Variants in ST6GALNAC4 observed in about 807,000 individuals in gnomAD.
ST6GALNAC4 encodes ST6 N-acetylgalactosaminide alpha-2,6-sialyltransferase 4, also known as alpha-N-acetyl-neuraminyl-2,3-beta-galactosyl-1,3-N-acetyl-galactosaminide alpha-2,6-sialyltransferase.
A neutral mutation model predicts 30.4 loss-of-function variants in ST6GALNAC4; 24 were observed. The ratio of observed to expected loss-of-function variants is 0.79; its 90% CI spans 0.57 to 1.11. The LOEUF (loss-of-function observed/expected upper bound fraction) is 1.11, where lower values mean the gene tolerates loss of function less well. ST6GALNAC4 is among the 50% of genes most tolerant of loss of function. The pLI is 0.00. For missense variants in ST6GALNAC4, 365 were observed against 430.1 expected, an observed-to-expected ratio of 0.85 and a Z score of 1.34; for synonymous variants, 156 against 179.7, an observed-to-expected ratio of 0.87 and a Z score of 1.05.
chr9:127,909,289 T>C (rs1010704867), intron 5 of ST6GALNAC4, among the ~76,000 whole-genome samples: 18 of 151,256 alleles, frequency 1.2e-4, no homozygotes, highest in Admixed American at 1.1e-3. Context: ...CTAGGGAGGC[T>C]GAGGCAGGAG....
intron 3 of ST6GALNAC4, among the ~76,000 whole-genome samples, chr9:127,913,637 A>C (rs2131623309): frequency 6.6e-6 from 1 of 151,124 alleles, no homozygotes; most frequent in South Asian, 2.1e-4. Flanking sequence ...AGAAAAAGAA[A>C]ACAACATCTG....
intron 4 of ST6GALNAC4, chr9:127,910,335 A>G (rs1831049134): frequency 8.2e-7 from 1 of 1,212,872 alleles, no homozygotes; most frequent in Non-Finnish European, 1.0e-6. Flanking sequence ...CCCCTGGATG[A>G]TGGGTGTGGG....
rs1160746722 is a variant in ST6GALNAC4, at chr9:127,915,540, C to A, written c.13-699G>T. ...TTGAAAAGCTGGTGCCTGGAGGCTA[C>A]CGCCTCCAGAAACCATGTGCCAAAG... On this transcript the variant is annotated intron_variant, in intron 2 of 5. Transcript: ENST00000335791. Among the ~76,000 whole-genome samples the A allele has an allele frequency of 2.0e-5, 3 of 152,270 alleles. No individual in the cohort carries two copies. In the East Asian group the frequency reaches 5.8e-4, roughly 29 times the overall value.
intron 2 of ST6GALNAC4, chr9:127,916,171 T>A (rs1374689743): frequency 3.4e-6 from 2 of 595,594 alleles, no homozygotes; most frequent in African/African-American, 3.7e-5. Context: ...GGTGAGCTCG[T>A]AGCGTTACCT....
chr9:127,914,358 A>G (rs1299658850), intron 3 of ST6GALNAC4, among the ~76,000 whole-genome samples: 1 of 141,784 alleles, frequency 7.1e-6, no homozygotes, highest in Non-Finnish European at 1.5e-5. Flanking sequence ...ATGCCATTGC[A>G]CTCCAGCCTG....
At position 127,909,346 on chromosome 9, in the gene ST6GALNAC4, G is replaced by A. The variant is rs185378323; in HGVS notation, c.719+605C>T. ...GGAGGTTGCAGTGAGCCAAGATCGC[G>A]CCACTGCACTCCAGCCTGGGCAACA... is the stretch of plus-strand genomic sequence containing the variant. On this transcript the variant is annotated intron_variant, in intron 5 of 5. Transcript: ENST00000335791. 2.5e-3 allele frequency among the ~76,000 whole-genome samples: 374 copies of A among 149,504 alleles called. 1 individual carries two copies. The highest frequency in any genetic ancestry group is 4.4e-3 in the African/African-American group (179 of 40,734).
Position 127,914,732 on chromosome 9 carries a change from T to C in ST6GALNAC4, c.122A>G (p.His41Arg), listed in dbSNP as rs1564504294. The C allele has an allele frequency of 6.2e-7, 1 of 1,609,764 alleles. No individual in the cohort carries two copies. Among genetic ancestry groups the C allele is most frequent in the Non-Finnish European group, 8.5e-7 (1 of 1,177,978 alleles). Residue 41 changes from histidine (H) to arginine (R), a missense_variant, in exon 3 of 6, where the codon CAC becomes CGC. Coordinates refer to ENST00000335791, the MANE Select transcript of ST6GALNAC4 (RefSeq NM_175039.4). ...AGTGGGCCTGGAGCCTGTGGGGAAG[T>C]GGTGGTCCAGGCAGGTGGCCAGGCA... The part of the protein sequence containing the change: ...PLCLATCLDH[H>R]FPTGSRPTVP...
chr9:127,909,333 G>C (rs943205135), intron 5 of ST6GALNAC4, among the ~76,000 whole-genome samples: 1 of 150,548 alleles, frequency 6.6e-6, no homozygotes, highest in Non-Finnish European at 1.5e-5. Context: ...AGGTTGCAGT[G>C]AGCCAAGATC....
At position 127,908,576 on chromosome 9, in the gene ST6GALNAC4, T is replaced by C; in HGVS notation, c.725A>G (p.Lys242Arg). The change falls in exon 6 of 6, where the codon AAG (lysine) becomes AGG (arginine). Residue 242 changes from lysine to arginine, a missense_variant. Lys to Arg is a conservative substitution (Grantham distance 26). Transcript: ENST00000335791. ...GMVSDSYCRE[K>R]SHPSVPYHYF... ...GTGGTAAGGCACTGAGGGGTGGCTC[T>C]TCTCCCTGCGGGGTGGGGAACAGGG... 2 of 1,572,678 alleles carry C rather than the reference T, an allele frequency of 1.3e-6. No homozygotes were observed. The highest frequency in any genetic ancestry group is 2.3e-5 in the East Asian group (1 of 43,522).
At chr9:127,909,800 G>T in intron 5 of ST6GALNAC4, 151 bp downstream of exon 5, 2 of 725,528 alleles carry the variant, frequency 2.8e-6, no homozygotes, top group Non-Finnish European at 4.4e-6. Context: ...CTTTCCCAAG[G>T]CCCAGAGCGC....
At position 127,912,561 on chromosome 9, in the gene ST6GALNAC4, C is replaced by A. The variant is rs372883012; in HGVS notation, c.318G>T (p.Ala106=). The change falls in exon 4 of 6, where the codon GCG becomes GCT. Residue 106 remains alanine, a synonymous_variant. Coordinates refer to ENST00000335791, the MANE Select transcript of ST6GALNAC4 (RefSeq NM_175039.4). ...CATCCGCCTCAAAGCCCACGGTGGGCGCCTGGTTCATGCGGAACACGCACT... is the reference window on the plus strand; with the variant it reads ...CATCCGCCTCAAAGCCCACGGTGGGAGCCTGGTTCATGCGGAACACGCACT... ...SAECVFRMNQ[A]PTVGFEADVG... is the part of the protein sequence containing the mutation. 1.9e-6 allele frequency: 3 copies of A among 1,612,890 alleles called. No homozygotes were observed. The highest frequency in any genetic ancestry group is 3.3e-5 in the Admixed American group (2 of 59,996).
chr9:127,908,704 T>C (rs970560547), intron 5 of ST6GALNAC4, 123 bp from the exon 6 acceptor site: 2 of 856,582 alleles, frequency 2.3e-6, no homozygotes, highest in Non-Finnish European at 3.3e-6. Flanking sequence ...GCCTGATCCC[T>C]GGGGAGGCCA....
intron 4 of ST6GALNAC4, 83 bp from the exon 5 acceptor site, chr9:127,910,141 G>C: frequency 6.5e-7 from 1 of 1,543,114 alleles, no homozygotes; most frequent in African/African-American, 1.4e-5. Flanking sequence ...TTGGTACTTT[G>C]CCAGCCCGGG....
chr9:127,915,044 T>G (rs1401552609), intron 2 of ST6GALNAC4, among the ~76,000 whole-genome samples: 1 of 152,118 alleles, frequency 6.6e-6, no homozygotes, highest in Non-Finnish European at 1.5e-5. Flanking sequence ...GAGATAACAC[T>G]GTTATCATCC....
At chr9:127,909,913 T>TCC in intron 5 of ST6GALNAC4, 38 bp downstream of exon 5, 1 of 1,596,880 alleles carries the variant, frequency 6.3e-7, no homozygotes, top group Non-Finnish European at 8.6e-7. Flanking sequence ...CTCACAGTCC[T>TCC]CCCCGCGTCC....
chr9:127,914,121 G>A (rs376771284), intron 3 of ST6GALNAC4, among the ~76,000 whole-genome samples: 92 of 151,434 alleles, frequency 6.1e-4, no homozygotes, highest in African/African-American at 2.0e-3. Context: ...TTGGGCGGGC[G>A]TGGTGGCTCA....
At position 127,912,256 on chromosome 9, in the gene ST6GALNAC4, C is replaced by T; in HGVS notation, c.611+12G>A. On this transcript the variant is annotated intron_variant, in intron 4 of 5. Coordinates refer to ENST00000335791, the MANE Select transcript of ST6GALNAC4 (RefSeq NM_175039.4). ...TGCCAGAGAGACCCCAGCAGGCAGG[C>T]CCCAGGCTCACCGGTTCTTGCCCGT... 2 of 1,598,662 alleles carry T rather than the reference C, an allele frequency of 1.3e-6. No homozygotes were observed. The highest frequency in any genetic ancestry group is 1.7e-6 in the Non-Finnish European group (2 of 1,171,028).
chr9:127,916,440 G>A lies in ST6GALNAC4; in HGVS notation c.-21C>T, dbSNP rs1291958865. 1 of 1,614,082 alleles carries A rather than the reference G, an allele frequency of 6.2e-7. No individual in the cohort carries two copies. The highest frequency in any genetic ancestry group is 1.7e-5 in the Admixed American group (1 of 60,020). On this transcript the variant is annotated 5_prime_UTR_variant, in exon 2 of 6. Transcript: ENST00000335791. ...TTCATGCTGTCGCTGTCCCTCAGTAGTCTAGGGGCTGCTGTCTCCAGGGCT... is the reference window on the plus strand; with the variant it reads ...TTCATGCTGTCGCTGTCCCTCAGTAATCTAGGGGCTGCTGTCTCCAGGGCT...
intron 5 of ST6GALNAC4, 31 bp downstream of exon 5, chr9:127,909,920 G>A (rs370665331): frequency 3.1e-5 from 50 of 1,605,312 alleles, no homozygotes; most frequent in African/African-American, 1.9e-4. Context: ...TCCTCCCCGC[G>A]TCCCCGCGTG....
Sources: gnomAD v4.1 joint callset for allele counts (sites outside exome capture counted in the v4.1 genomes callset) on GRCh38, gnomAD v4.1.1 for gene constraint, MANE v1.5 for transcripts, NCBI Gene and HGNC (gene_info 2026-07-23, HGNC 2026-07-21) for gene names.